The following MBOAT2 variants were observed in gnomAD, a reference collection of about 807,000 sequenced individuals.
MBOAT2 encodes the protein membrane-bound glycerophospholipid O-acyltransferase 2.
A neutral mutation model predicts 63.4 loss-of-function variants in MBOAT2; 28 were observed. That is an observed-to-expected ratio of 0.44 (90% CI 0.33 to 0.61). The LOEUF (loss-of-function observed/expected upper bound fraction) is 0.61, where lower values mean the gene tolerates loss of function less well. Among genes scored for constraint, MBOAT2 ranks in the 20% least tolerant of loss-of-function variants. The probability of loss-of-function intolerance (pLI) is 0.03; values close to 1 mark genes in which losing one functional copy is unlikely to be tolerated. For synonymous variants in MBOAT2, 211 were observed against 215.6 expected (o/e 0.98, Z 0.19); for missense variants, 470 against 605.8 (o/e 0.78, Z 2.35).
chr2:8,973,329 T>C (rs1181882697), intron 1 of MBOAT2, among the ~76,000 whole-genome samples: 1 of 123,722 alleles, frequency 8.1e-6, no homozygotes, highest in Non-Finnish European at 1.6e-5. Flanking sequence ...TGAGAACACT[T>C]GGACACAGGA....
chr2:8,913,141 G>A (rs957247750), intron 3 of MBOAT2, among the ~76,000 whole-genome samples: 3 of 152,140 alleles, frequency 2.0e-5, no homozygotes, highest in African/African-American at 7.2e-5. Context: ...ACATGTAGGA[G>A]AATGAAACTG....
intron 7 of MBOAT2, among the ~76,000 whole-genome samples, chr2:8,876,272 T>C (rs1457430970): frequency 2.0e-5 from 3 of 152,236 alleles, no homozygotes. Flanking sequence ...TGAAACCAGA[T>C]TGCACTGGTT....
At chr2:8,943,485 T>C (rs1382282736) in intron 2 of MBOAT2, among the ~76,000 whole-genome samples, 1 of 152,232 alleles carries the variant, frequency 6.6e-6, no homozygotes, top group Non-Finnish European at 1.5e-5. Flanking sequence ...CCTAAAGCCA[T>C]GCCCAGTGCC....
At chr2:8,872,657 C>T (rs1382880279) in intron 8 of MBOAT2, among the ~76,000 whole-genome samples, 1 of 152,172 alleles carries the variant, frequency 6.6e-6, no homozygotes, top group Non-Finnish European at 1.5e-5. Flanking sequence ...TAACTGATGA[C>T]CCCCTATCAA....
At chr2:8,867,062 T>C (rs1661950338) in intron 9 of MBOAT2, among the ~76,000 whole-genome samples, 2 of 148,174 alleles carry the variant, frequency 1.3e-5, no homozygotes, top group African/African-American at 5.0e-5. Context: ...AATGGTTTTC[T>C]TTTTTTTTTG....
chr2:8,863,294 G>C (rs1174094343), intron 10 of MBOAT2, among the ~76,000 whole-genome samples: 1 of 152,172 alleles, frequency 6.6e-6, no homozygotes, highest in Admixed American at 6.5e-5. Flanking sequence ...GCGTATGCTA[G>C]CCATCTCAAG....
At chr2:8,944,559 T>G (rs1668271608) in intron 2 of MBOAT2, among the ~76,000 whole-genome samples, 1 of 151,996 alleles carries the variant, frequency 6.6e-6, no homozygotes, top group Non-Finnish European at 1.5e-5. Flanking sequence ...CATAGAAATA[T>G]TATAAACCAG....
intron 3 of MBOAT2, among the ~76,000 whole-genome samples, chr2:8,929,917 ATG>A (rs1667200405): frequency 6.6e-6 from 1 of 152,156 alleles, no homozygotes; most frequent in South Asian, 2.1e-4. Flanking sequence ...GAATTTGTGC[ATG>A]TGTTTTCTTC....
intron 3 of MBOAT2, among the ~76,000 whole-genome samples, chr2:8,927,698 G>T (rs533783487): frequency 6.6e-5 from 10 of 152,128 alleles, no homozygotes; most frequent in African/African-American, 2.4e-4. Flanking sequence ...GCACAGCCAG[G>T]AGAACTGGGG....
intron 3 of MBOAT2, among the ~76,000 whole-genome samples, chr2:8,911,492 C>T (rs1321978616): frequency 6.6e-6 from 1 of 152,200 alleles, no homozygotes; most frequent in African/African-American, 2.4e-5. Context: ...GGATGTTCGT[C>T]TCCTCTAAAA....
chr2:8,896,218 G>A (rs1430214235), intron 4 of MBOAT2, among the ~76,000 whole-genome samples: 1 of 137,374 alleles, frequency 7.3e-6, no homozygotes, highest in Non-Finnish European at 1.5e-5. Context: ...CAGCCTGGGT[G>A]ACAGAGTGAG....
At chr2:8,934,476 C>T (rs1416391636) in intron 3 of MBOAT2, among the ~76,000 whole-genome samples, 16 of 152,308 alleles carry the variant, frequency 1.1e-4, no homozygotes. Context: ...CCTGTAAGTG[C>T]TGTTGCTAGG....
At chr2:8,893,862 G>A (rs959144995) in intron 4 of MBOAT2, among the ~76,000 whole-genome samples, 9 of 152,152 alleles carry the variant, frequency 5.9e-5, no homozygotes, top group Non-Finnish European at 1.3e-4. Context: ...GGGATAAGCA[G>A]CAGAACTGAA....
intron 4 of MBOAT2, among the ~76,000 whole-genome samples, chr2:8,892,857 T>C (rs755897122): frequency 8.6e-5 from 13 of 151,684 alleles, no homozygotes; most frequent in African/African-American, 3.2e-4. Flanking sequence ...GAGGCCAATG[T>C]GATGAGCAAG....
Position 8,857,177 on chromosome 2 carries a change from A to G in MBOAT2, c.*1502T>C, listed in dbSNP as rs1293002741. On this transcript the variant is annotated 3_prime_UTR_variant, in exon 13 of 13. Coordinates refer to ENST00000305997, the MANE Select transcript of MBOAT2 (RefSeq NM_138799.4). ...GAGAGAGAGAACCCCATCACAGAAA[A>G]TTTGCATTTCATTAAAAATTTAAGG... 1 of 152,598 alleles carries G rather than the reference A, an allele frequency of 6.6e-6. No homozygotes were observed. Among genetic ancestry groups the G allele is most frequent in the Non-Finnish European group, 1.5e-5 (1 of 68,030 alleles). 9.5% of individuals were successfully genotyped at this position (152,598 alleles called of 1,614,324 possible).
In MBOAT2 at chr2:8,894,504, G is replaced by A. The variant is rs532030389; in HGVS notation, c.396-6431C>T. Among the ~76,000 whole-genome samples the A allele has an allele frequency of 5.3e-5, 8 of 152,300 alleles. No individual in the cohort carries two copies. In the East Asian group the frequency reaches 1.4e-3, roughly 26 times the overall value. ...CACAGTTGCTGGGCGCCATGTGCGG[G>A]GAAGATAATGAAGGGCCAAGGGGGG... On this transcript the variant is annotated intron_variant, in intron 4 of 12. Coordinates refer to ENST00000305997, the MANE Select transcript of MBOAT2 (RefSeq NM_138799.4).
intron 4 of MBOAT2, 170 bp downstream of exon 4, chr2:8,908,451 A>G: frequency 1.8e-6 from 1 of 553,424 alleles, no homozygotes; most frequent in Non-Finnish European, 3.2e-6. Context: ...CTTAGATAGT[A>G]CTAAAAAGAC....
chr2:8,915,137 C>A (rs1666073355), intron 3 of MBOAT2, among the ~76,000 whole-genome samples: 1 of 151,666 alleles, frequency 6.6e-6, no homozygotes, highest in Admixed American at 6.6e-5. Context: ...TAAGGTTTCA[C>A]CATATTGGCC....
In MBOAT2 at chr2:8,912,088, C is replaced by T. The variant is rs192067580; in HGVS notation, c.300-3372G>A. ...TCAAAATTGGTATACAAGGGACATA[C>T]CTTAATGTAATAAAAGCCACCTATG... On this transcript the variant is annotated intron_variant, in intron 3 of 12. Transcript: ENST00000305997. 1.3e-4 allele frequency among the ~76,000 whole-genome samples: 19 copies of T among 151,840 alleles called. No homozygotes were observed. The East Asian group carries it at 3.1e-3, about 25-fold the overall frequency.
Sources: gnomAD v4.1 joint callset for allele counts (sites outside exome capture counted in the v4.1 genomes callset) on GRCh38, gnomAD v4.1.1 for gene constraint, MANE v1.5 for transcripts, NCBI Gene and HGNC (gene_info 2026-07-23, HGNC 2026-07-21) for gene names.